NEMP2: variants seen among roughly 807,000 people sequenced by gnomAD.
NEMP2 encodes the protein UPF0571 transmembrane protein.
In NEMP2, 53 loss-of-function variants were observed where a neutral mutation model predicts 54.2. The observed-to-expected ratio is 0.98, with a 90% CI of 0.78 to 1.23. The LOEUF is 1.23. Among genes scored for constraint, NEMP2 ranks in the 50% most tolerant of loss-of-function variants. The pLI is 0.00. For synonymous variants in NEMP2, 197 were observed against 190.3 expected (o/e 1.04, Z -0.29); for missense variants, 455 against 511.3 (o/e 0.89, Z 1.06).
chr2:190,545,459 G>A, the NEMP2 span, among the ~76,000 whole-genome samples: 2 of 152,228 alleles, frequency 1.3e-5, no homozygotes, highest in African/African-American at 2.4e-5. Flanking sequence ...CCTACAAACA[G>A]CAGATATCCG....
chr2:190,496,650 A>G, the NEMP2 span, among the ~76,000 whole-genome samples: 1 of 151,468 alleles, frequency 6.6e-6, no homozygotes, highest in East Asian at 1.9e-4. The surrounding 1 kb of genome is among the most constrained non-coding windows in gnomAD (Gnocchi z 4.7). Flanking sequence ...ATATATGTAT[A>G]TGTGTATATG....
chr2:190,457,650 CTGT>C, the NEMP2 span, among the ~76,000 whole-genome samples: 3 of 152,190 alleles, frequency 2.0e-5, no homozygotes, highest in Non-Finnish European at 4.4e-5. This position sits in a 1 kb window ranked among gnomAD's most constrained non-coding sequence, Gnocchi z 5.1. Context: ...AAAGATGTGG[CTGT>C]TATTGCTGAA....
the NEMP2 span, among the ~76,000 whole-genome samples, chr2:190,474,355 T>C: frequency 6.6e-6 from 1 of 152,040 alleles, no homozygotes; most frequent in African/African-American, 2.4e-5. Context: ...AAGAATCAAA[T>C]AGACGCAATA....
At chr2:190,427,217 G>C in the NEMP2 span, among the ~76,000 whole-genome samples, 1 of 152,214 alleles carries the variant, frequency 6.6e-6, no homozygotes, top group Non-Finnish European at 1.5e-5. Context: ...TGATACTGTG[G>C]CCTCATTACT....
the NEMP2 span, among the ~76,000 whole-genome samples, chr2:190,615,648 T>G: frequency 1.3e-5 from 2 of 152,066 alleles, no homozygotes; most frequent in Non-Finnish European, 2.9e-5. The surrounding 1 kb of genome is among the most constrained non-coding windows in gnomAD (Gnocchi z 4.7). Flanking sequence ...TCCCGAGAGA[T>G]GAGGGGATGA....
At chr2:190,566,969 A>T in the NEMP2 span, among the ~76,000 whole-genome samples, 1 of 152,164 alleles carries the variant, frequency 6.6e-6, no homozygotes, top group Non-Finnish European at 1.5e-5. Context: ...AAATACCATG[A>T]GGCATGTAAA....
the NEMP2 span, among the ~76,000 whole-genome samples, chr2:190,615,233 T>C: frequency 2.0e-5 from 3 of 152,176 alleles, no homozygotes; most frequent in East Asian, 3.9e-4. The surrounding 1 kb of genome is among the most constrained non-coding windows in gnomAD (Gnocchi z 4.7). Flanking sequence ...TTGGCACCTG[T>C]GCTCCTGACC....
the NEMP2 span, among the ~76,000 whole-genome samples, chr2:190,544,300 T>C: frequency 6.6e-6 from 1 of 152,156 alleles, no homozygotes. Flanking sequence ...TTTTAATAAG[T>C]CATGTCAAAA....
chr2:190,503,204 T>C (rs1284877543), downstream of NEMP2, among the ~76,000 whole-genome samples: 1 of 152,150 alleles, frequency 6.6e-6, no homozygotes, highest in Non-Finnish European at 1.5e-5. The surrounding 1 kb of genome is among the most constrained non-coding windows in gnomAD (Gnocchi z 6.3). Flanking sequence ...TGCAGGTGAG[T>C]TGGCTGGACT....
the NEMP2 span, among the ~76,000 whole-genome samples, chr2:190,613,575 A>C: frequency 6.6e-6 from 1 of 152,050 alleles, no homozygotes; most frequent in African/African-American, 2.4e-5. Flanking sequence ...GACATTTCTA[A>C]TATTACTTCA....
the NEMP2 span, among the ~76,000 whole-genome samples, chr2:190,602,070 T>C: frequency 6.6e-6 from 1 of 152,180 alleles, no homozygotes; most frequent in African/African-American, 2.4e-5. Context: ...ATGATTTTAT[T>C]AATGTATTAG....
chr2:190,575,270 A>C, the NEMP2 span, among the ~76,000 whole-genome samples: 28 of 152,118 alleles, frequency 1.8e-4, no homozygotes, highest in South Asian at 4.1e-4. Context: ...GCTTTGCTCA[A>C]TTATTTTTAA....
chr2:190,645,162 A>G, the NEMP2 span, among the ~76,000 whole-genome samples: 1 of 152,348 alleles, frequency 6.6e-6, no homozygotes, highest in South Asian at 2.1e-4. Flanking sequence ...CATCAGAAGT[A>G]GCTCTGTCTT....
the NEMP2 span, among the ~76,000 whole-genome samples, chr2:190,453,763 C>T: frequency 3.3e-5 from 5 of 152,146 alleles, no homozygotes; most frequent in African/African-American, 9.7e-5. Flanking sequence ...AAGCACAGAA[C>T]GGAAGAGAAT....
At chr2:190,475,446 G>A in the NEMP2 span, among the ~76,000 whole-genome samples, 1 of 152,156 alleles carries the variant, frequency 6.6e-6, no homozygotes, top group South Asian at 2.1e-4. Flanking sequence ...AATCATGAGT[G>A]AACTCCCATT....
the NEMP2 span, among the ~76,000 whole-genome samples, chr2:190,640,007 A>G: frequency 6.6e-6 from 1 of 152,196 alleles, no homozygotes; most frequent in Admixed American, 6.5e-5. Flanking sequence ...CTATAATACC[A>G]TCACCCAGAG....
chr2:190,462,677 G>A, the NEMP2 span, among the ~76,000 whole-genome samples: 1 of 152,078 alleles, frequency 6.6e-6, no homozygotes, highest in African/African-American at 2.4e-5. This position sits in a 1 kb window ranked among gnomAD's most constrained non-coding sequence, Gnocchi z 5.7. Context: ...ATTATACCTG[G>A]AGACATCTTG....
the NEMP2 span, chr2:190,497,731 T>C: frequency 6.2e-7 from 1 of 1,605,426 alleles, no homozygotes; most frequent in Non-Finnish European, 8.5e-7. The surrounding 1 kb of genome is among the most constrained non-coding windows in gnomAD (Gnocchi z 5.2). Context: ...TACAGTTCCT[T>C]TGCTGGGCTA....
chr2:190,443,150 G>GT, the NEMP2 span: 1 of 152,092 alleles, frequency 6.6e-6, no homozygotes, highest in East Asian at 1.9e-4. The surrounding 1 kb of genome is among the most constrained non-coding windows in gnomAD (Gnocchi z 4.2). Context: ...GGAACCCTCT[G>GT]TGGGTGTTCC....
Sources: allele counts gnomAD v4.1 joint callset (sites outside exome capture counted in the v4.1 genomes callset), GRCh38; gene constraint gnomAD v4.1.1; non-coding constraint Gnocchi (gnomAD v3.1); transcripts MANE v1.5; gene names NCBI Gene and HGNC (gene_info 2026-07-23, HGNC 2026-07-21).